The following ATXN8OS variants were observed in gnomAD, a reference collection of about 807,000 sequenced individuals.
ATXN8OS encodes ATXN8 opposite strand lncRNA, also known as ATXN8 opposite strand (non-protein coding).
At chr13:70,120,750 G>A (rs562384266) in intron 2 of ATXN8OS, among the ~76,000 whole-genome samples, 1 of 152,086 alleles carries the variant, frequency 6.6e-6, no homozygotes, top group Non-Finnish European at 1.5e-5. Flanking sequence ...CATAAAAAAT[G>A]ATGAGTTCAT....
intron 4 of ATXN8OS, among the ~76,000 whole-genome samples, chr13:70,165,535 C>T (rs1889067220): frequency 6.6e-6 from 1 of 151,954 alleles, no homozygotes; most frequent in African/African-American, 2.4e-5. Context: ...AAACATGACT[C>T]AAATATATTT....
chr13:70,170,280 G>C (rs917431737), exon 5 of ATXN8OS, among the ~76,000 whole-genome samples: 14 of 152,046 alleles, frequency 9.2e-5, no homozygotes, highest in Non-Finnish European at 1.3e-4. Flanking sequence ...AGTTTATATA[G>C]AGAAATGTAA....
chr13:70,157,577 T>C (rs1204936726), intron 4 of ATXN8OS, among the ~76,000 whole-genome samples: 2 of 152,034 alleles, frequency 1.3e-5, no homozygotes, highest in Non-Finnish European at 2.9e-5. Context: ...AAAAACACTC[T>C]TAGATCTCTC....
rs1888206176 is a variant in ATXN8OS at position 70,112,200 on chromosome 13, G to A, written n.241-2941G>A. Among the ~76,000 whole-genome samples, 4 of 152,014 alleles carry A rather than the reference G, an allele frequency of 2.6e-5. No homozygotes were observed. In the South Asian group the frequency reaches 6.2e-4, roughly 24 times the overall value. ...AGTTCTATCATGAGAACAGAAAGAT[G>A]GACGCCCACCCTTATGATTCCATCA... is the stretch of plus-strand genomic sequence containing the variant. On this transcript the variant is annotated intron_variant and non_coding_transcript_variant, in intron 1 of 4. Coordinates refer to ENST00000678624, the Ensembl canonical transcript of ATXN8OS.
chr13:70,112,920 A>ATATATT (rs1555298511), intron 1 of ATXN8OS, among the ~76,000 whole-genome samples: 2,882 of 87,442 alleles, frequency 0.033, 170 homozygotes, highest in Admixed American at 0.052. Context: ...TATATATATA[A>ATATATT]TTTTTTTTTT....
Position 70,128,996 on chromosome 13 carries a change from G to A in ATXN8OS, n.399-788G>A, listed in dbSNP as rs535086818. ...CTGCCTCAGCCTCCCAAGTAGCTGG[G>A]ATTACAGGCATGCACCACCACGCCC... On this transcript the variant is annotated intron_variant and non_coding_transcript_variant, in intron 2 of 4. Transcript: ENST00000678624. 2.0e-5 allele frequency among the ~76,000 whole-genome samples: 3 copies of A among 152,146 alleles called. No homozygotes were observed. In the South Asian group the frequency reaches 6.2e-4, roughly 32 times the overall value.
At chr13:70,131,591 A>G (rs964278308) in intron 3 of ATXN8OS, 19 of 397,534 alleles carry the variant, frequency 4.8e-5, no homozygotes, top group African/African-American at 3.9e-4. Flanking sequence ...ACTTTTTACC[A>G]CTTCCCTCAG....
At chr13:70,140,533 C>CAA (rs58996989) in intron 3 of ATXN8OS, among the ~76,000 whole-genome samples, 25,934 of 132,898 alleles carry the variant, frequency 0.2, 3,084 homozygotes, top group South Asian at 0.37. Context: ...CACACACACA[C>CAA]AAAAAAAAAA....
chr13:70,152,809 A>G (rs1007240047), intron 4 of ATXN8OS, among the ~76,000 whole-genome samples: 1 of 152,158 alleles, frequency 6.6e-6, no homozygotes, highest in Non-Finnish European at 1.5e-5. Flanking sequence ...ATGTATTTTC[A>G]TATTATTTAC....
chr13:70,132,765 T>A (rs1028247898), intron 3 of ATXN8OS, among the ~76,000 whole-genome samples: 1 of 152,188 alleles, frequency 6.6e-6, no homozygotes, highest in Non-Finnish European at 1.5e-5. Flanking sequence ...ACATGTTAAA[T>A]AATTCAATAA....
chr13:70,163,476 C>T (rs777222382), intron 4 of ATXN8OS, among the ~76,000 whole-genome samples: 1 of 152,004 alleles, frequency 6.6e-6, no homozygotes, highest in African/African-American at 2.4e-5. Context: ...TCAAGGTTTC[C>T]CTGCTGGTCT....
intron 2 of ATXN8OS, among the ~76,000 whole-genome samples, chr13:70,118,316 A>G (rs1360508379): frequency 6.6e-6 from 1 of 152,122 alleles, no homozygotes; most frequent in Non-Finnish European, 1.5e-5. Context: ...AGTGTGAGTG[A>G]AACAATAAAT....
At chr13:70,127,240 A>C (rs1888452273) in intron 2 of ATXN8OS, among the ~76,000 whole-genome samples, 1 of 152,040 alleles carries the variant, frequency 6.6e-6, no homozygotes, top group Admixed American at 6.5e-5. Flanking sequence ...TGACCTAATG[A>C]GATGGAAATT....
At chr13:70,168,902 T>C (rs1889110841) in intron 4 of ATXN8OS, among the ~76,000 whole-genome samples, 1 of 152,148 alleles carries the variant, frequency 6.6e-6, no homozygotes, top group South Asian at 2.1e-4. Flanking sequence ...TGCACTGTTC[T>C]TTTGTATGTT....
intron 4 of ATXN8OS, among the ~76,000 whole-genome samples, chr13:70,164,079 A>C (rs1016363492): frequency 8.3e-5 from 12 of 144,922 alleles, no homozygotes; most frequent in African/African-American, 3.0e-4. Context: ...TATTATTATT[A>C]TTATTATTAT....
At chr13:70,162,399 C>T (rs369910230) in intron 4 of ATXN8OS, among the ~76,000 whole-genome samples, 1 of 152,062 alleles carries the variant, frequency 6.6e-6, no homozygotes, top group Non-Finnish European at 1.5e-5. Context: ...CAGCCTGAAC[C>T]AATCCCACAG....
At chr13:70,115,117 T>C (rs1888255608) in intron 1 of ATXN8OS, 1 of 397,798 alleles carries the variant, frequency 2.5e-6, no homozygotes, top group African/African-American at 2.1e-5. Flanking sequence ...AATTTATAAA[T>C]AACATAAATT....
intron 3 of ATXN8OS, among the ~76,000 whole-genome samples, chr13:70,136,661 A>G (rs187474632): frequency 6.6e-6 from 1 of 152,190 alleles, no homozygotes; most frequent in East Asian, 1.9e-4. Context: ...AGACTCATAC[A>G]TGAGAGAGAG....
intron 2 of ATXN8OS, among the ~76,000 whole-genome samples, chr13:70,127,821 G>C (rs577018501): frequency 9.4e-4 from 143 of 151,920 alleles, no homozygotes; most frequent in African/African-American, 3.4e-3. Flanking sequence ...TATCCAAGCA[G>C]AGGCTAACTT....
Sources: gnomAD v4.1 joint callset for allele counts (sites outside exome capture counted in the v4.1 genomes callset) on GRCh38, gnomAD v4.1.1 for gene constraint, MANE v1.5 for transcripts, NCBI Gene and HGNC (gene_info 2026-07-23, HGNC 2026-07-21) for gene names.